Variants in DNAH8 observed in about 807,000 individuals in gnomAD.
DNAH8 encodes axonemal beta dynein heavy chain 8.
A neutral mutation model predicts 562.1 loss-of-function variants in DNAH8; 382 were observed. That is an observed-to-expected ratio of 0.68 (90% CI 0.63 to 0.74). DNAH8 has a LOEUF of 0.74. DNAH8 is among the 30% of genes least tolerant of loss of function. The pLI, the probability that DNAH8 is intolerant of heterozygous loss-of-function variation, is 0.00. For synonymous variants in DNAH8, 1,881 were observed against 1,919.4 expected (o/e 0.98, Z 0.52); for missense variants, 5,203 against 5,620.4 (o/e 0.93, Z 2.37).
At chr6:38,805,358 A>G (rs1210215763) in intron 22 of DNAH8, 123 bp from the exon 23 acceptor site, 6 of 642,094 alleles carry the variant, frequency 9.3e-6, no homozygotes, top group Non-Finnish European at 1.7e-5. Flanking sequence ...AGCATTTTTC[A>G]AAAAACAGTT....
intron 79 of DNAH8, among the ~76,000 whole-genome samples, chr6:38,943,759 G>A (rs750030482): frequency 2.0e-5 from 3 of 151,846 alleles, no homozygotes; most frequent in Non-Finnish European, 4.4e-5. Context: ...TTCCAAGCGG[G>A]GAAAGAAAAA....
chr6:38,971,018 T>A (rs1763302560), intron 82 of DNAH8, among the ~76,000 whole-genome samples: 1 of 152,090 alleles, frequency 6.6e-6, no homozygotes, highest in South Asian at 2.1e-4. Context: ...GAGAACTAGG[T>A]CTTAGACAGT....
chr6:39,010,816 CACACGTATGTAT>C (rs1367016277), intron 89 of DNAH8, among the ~76,000 whole-genome samples: 9 of 127,140 alleles, frequency 7.1e-5, no homozygotes, highest in East Asian at 2.3e-4. Context: ...CACACACACA[CACACGTATGTAT>C]GTATGTATGT....
At chr6:38,957,805 C>A (rs1247978258) in intron 82 of DNAH8, among the ~76,000 whole-genome samples, 1 of 135,178 alleles carries the variant, frequency 7.4e-6, no homozygotes, top group African/African-American at 2.8e-5. Flanking sequence ...TACAACACAC[C>A]ATAATCTATG....
chr6:38,950,892 C>T (rs1414434904), intron 81 of DNAH8, among the ~76,000 whole-genome samples: 1 of 151,520 alleles, frequency 6.6e-6, no homozygotes, highest in East Asian at 1.9e-4. Flanking sequence ...TTAAATGACA[C>T]TTATCCAATG....
At chr6:39,012,761 C>G (rs1766307771) in intron 91 of DNAH8, 124 bp downstream of exon 91, 1 of 677,890 alleles carries the variant, frequency 1.5e-6, no homozygotes, top group African/African-American at 1.8e-5. Flanking sequence ...CTGCACATAG[C>G]CATTCAAAGG....
chr6:38,750,453 A>G, intron 8 of DNAH8, 23 bp from the exon 9 acceptor site: 1 of 1,542,892 alleles, frequency 6.5e-7, no homozygotes. Context: ...GTTTCATAGA[A>G]TTCTTATACC....
chr6:38,968,928 A>G (rs762779139), intron 82 of DNAH8, among the ~76,000 whole-genome samples: 9 of 152,252 alleles, frequency 5.9e-5, no homozygotes, highest in African/African-American at 9.6e-5. Flanking sequence ...TGGTATATCC[A>G]TGCTGTGAAC....
intron 62 of DNAH8, among the ~76,000 whole-genome samples, chr6:38,903,605 TTTC>T (rs1422573105): frequency 2.9e-5 from 4 of 139,044 alleles, no homozygotes; most frequent in African/African-American, 1.2e-4. Context: ...TTTTTCTTTC[TTTC>T]TTCCTTTTTT....
rs762468209 is a variant in DNAH8 at position 38,896,169 on chromosome 6, C to T, written c.8884C>T (p.Pro2962Ser). The change falls in exon 60 of 93, where the codon CCA becomes TCA. Residue 2962 changes from proline to serine, a missense_variant. By Grantham distance (74) the Pro-to-Ser change is moderately conservative. Transcript: ENST00000327475. ...FVDFLREMPE[P>S]TGDEPEDSVF... ...GGATTTTCTTCGTGAGATGCCAGAA[C>T]CAACTGGTGATGAACCTGAAGACTC... 5.6e-6 allele frequency: 9 copies of T among 1,613,608 alleles called. No homozygotes were observed. The highest frequency in any genetic ancestry group is 1.3e-5 in the African/African-American group (1 of 74,764).
intron 30 of DNAH8, among the ~76,000 whole-genome samples, chr6:38,829,911 T>C (rs1773685720): frequency 1.3e-5 from 2 of 152,182 alleles, no homozygotes; most frequent in South Asian, 4.1e-4. Context: ...CTCTCCATTT[T>C]CCCCTACCAT....
Position 38,724,278 on chromosome 6 carries a change from G to A in DNAH8, c.525+807G>A, listed in dbSNP as rs372190922. ...TTACAGGCGTGAGCCACCGCACCTG[G>A]CCCAGTTGAATGGTATTTCTAATCA... On this transcript the variant is annotated intron_variant, in intron 3 of 92. Transcript: ENST00000327475. Among the ~76,000 whole-genome samples, 71 of 152,210 alleles carry A rather than the reference G, an allele frequency of 4.7e-4. 1 individual carries two copies. The highest frequency in any genetic ancestry group is 1.7e-3 in the African/African-American group (71 of 41,520).
chr6:38,887,900 G>A (rs1411313032), intron 57 of DNAH8, among the ~76,000 whole-genome samples: 1 of 136,368 alleles, frequency 7.3e-6, no homozygotes, highest in Non-Finnish European at 1.5e-5. Context: ...GCAGTGGCGC[G>A]ATCTCAGCTC....
At chr6:38,719,866 G>A (rs1429298244) in intron 1 of DNAH8, among the ~76,000 whole-genome samples, 3 of 152,166 alleles carry the variant, frequency 2.0e-5, no homozygotes, top group African/African-American at 4.8e-5. Flanking sequence ...CTGACATTGT[G>A]TTTCAAAATG....
At chr6:38,991,253 T>C (rs772874546) in intron 88 of DNAH8, among the ~76,000 whole-genome samples, 40 of 152,134 alleles carry the variant, frequency 2.6e-4, no homozygotes, top group Non-Finnish European at 5.4e-4. Flanking sequence ...AGGCTGCTTT[T>C]CATCTTCAAA....
intron 88 of DNAH8, among the ~76,000 whole-genome samples, chr6:39,001,712 A>G (rs1463210311): frequency 3.3e-5 from 5 of 152,192 alleles, no homozygotes; most frequent in African/African-American, 1.2e-4. Flanking sequence ...CATGTGAAAG[A>G]CTTCAGATTT....
At chr6:38,909,770 C>G (rs777195408) in intron 65 of DNAH8, 26 bp downstream of exon 65, 7 of 1,560,120 alleles carry the variant, frequency 4.5e-6, no homozygotes, top group Non-Finnish European at 6.2e-6. Context: ...TAAGCACCAT[C>G]GCTATGGAAC....
chr6:38,810,768 A>G (rs1198816979), intron 24 of DNAH8, among the ~76,000 whole-genome samples: 3 of 152,078 alleles, frequency 2.0e-5, no homozygotes, highest in African/African-American at 4.8e-5. Context: ...AAAATAATTT[A>G]TTTACTGGCA....
At chr6:38,726,990 T>G (rs1463851344) in intron 3 of DNAH8, among the ~76,000 whole-genome samples, 1 of 151,210 alleles carries the variant, frequency 6.6e-6, no homozygotes, top group Non-Finnish European at 1.5e-5. Flanking sequence ...CCTGAGCTGC[T>G]GGGACTACGG....
Sources: gnomAD v4.1 joint callset for allele counts (sites outside exome capture counted in the v4.1 genomes callset) on GRCh38, gnomAD v4.1.1 for gene constraint, MANE v1.5 for transcripts, NCBI Gene and HGNC (gene_info 2026-07-23, HGNC 2026-07-21) for gene names.